The following SEPTIN9 variants were observed in gnomAD, a reference collection of about 807,000 sequenced individuals.
SEPTIN9 encodes septin 9.
A neutral mutation model predicts 56.6 loss-of-function variants in SEPTIN9; 13 were observed. The ratio of observed to expected loss-of-function variants is 0.23; its 90% CI spans 0.15 to 0.37. The LOEUF (loss-of-function observed/expected upper bound fraction) is 0.37, where lower values mean the gene tolerates loss of function less well. SEPTIN9 is among the 10% of genes least tolerant of loss of function. The probability of loss-of-function intolerance (pLI) is 1.00; values close to 1 mark genes in which losing one functional copy is unlikely to be tolerated. For synonymous variants in SEPTIN9, 332 were observed against 334.1 expected, an observed-to-expected ratio of 0.99 and a Z score of 0.07; for missense variants, 650 against 823.1, an observed-to-expected ratio of 0.79 and a Z score of 2.57.
chr17:77,398,064 C>G (rs551813772), intron 2 of SEPTIN9, among the ~76,000 whole-genome samples: 14 of 151,182 alleles, frequency 9.3e-5, no homozygotes, highest in Non-Finnish European at 2.1e-4. Flanking sequence ...GCCTTGATCT[C>G]CTGGCCTCAA....
At position 77,425,333 on chromosome 17, in the gene SEPTIN9, TG is replaced by T. The variant is rs2036863872; in HGVS notation, c.721+22634del. Among the ~76,000 whole-genome samples the T allele has an allele frequency of 6.6e-6, 1 of 152,172 alleles. No individual in the cohort carries two copies. On this transcript the variant is annotated intron_variant, in intron 3 of 11. Coordinates refer to ENST00000427177, the MANE Select transcript of SEPTIN9 (RefSeq NM_001113491.2). The surrounding 1 kb of genome is among the most constrained non-coding windows in gnomAD (Gnocchi z 4.2). ...GCTGGACTCCCCAGATCTGTGGCTG[TG>T]GGGCCCTCTCCTGCCTGCAGCTGAG...
At chr17:77,399,967 T>C (rs896552296) in intron 2 of SEPTIN9, among the ~76,000 whole-genome samples, 1 of 151,830 alleles carries the variant, frequency 6.6e-6, no homozygotes, top group Non-Finnish European at 1.5e-5. Flanking sequence ...GGCCCTGCGG[T>C]GTTTTATTTT....
At chr17:77,420,846 G>A (rs552633558) in intron 3 of SEPTIN9, among the ~76,000 whole-genome samples, 40 of 152,286 alleles carry the variant, frequency 2.6e-4, no homozygotes, top group African/African-American at 9.1e-4. Flanking sequence ...TCACAACAAC[G>A]GTCCTAACCA....
At chr17:77,379,099 G>A (rs2035047357) in intron 2 of SEPTIN9, among the ~76,000 whole-genome samples, 1 of 152,136 alleles carries the variant, frequency 6.6e-6, no homozygotes, top group African/African-American at 2.4e-5. Context: ...CAAGTGTGGT[G>A]CAGAGCTGGG....
intron 2 of SEPTIN9, among the ~76,000 whole-genome samples, chr17:77,348,522 A>G (rs1475410221): frequency 6.6e-6 from 1 of 151,528 alleles, no homozygotes; most frequent in African/African-American, 2.4e-5. Context: ...CTGGCCTCGA[A>G]CTCCTGACCT....
rs1227046372 is a variant in SEPTIN9 at position 77,482,131 on chromosome 17, G to C, written c.722-13G>C. On this transcript the variant is annotated splice_polypyrimidine_tract_variant and intron_variant, in intron 3 of 11. Coordinates refer to ENST00000427177, the MANE Select transcript of SEPTIN9 (RefSeq NM_001113491.2). ...CCTGTTCCGCTCTAACTCCTCTGCT[G>C]TTCCTTCCCCAGCCACTGAGGCGGC... is the stretch of plus-strand genomic sequence containing the variant. The C allele has an allele frequency of 3.2e-6, 5 of 1,553,176 alleles. No homozygotes were observed. The highest frequency in any genetic ancestry group is 2.7e-5 in the African/African-American group (2 of 73,272).
At chr17:77,497,538 C>A in intron 11 of SEPTIN9, 172 bp downstream of exon 11, 1 of 664,358 alleles carries the variant, frequency 1.5e-6, no homozygotes, top group East Asian at 2.7e-5. Context: ...AAAAAGAAAA[C>A]CCACTGGGAA....
rs975404423 is a variant in SEPTIN9 at position 77,493,291 on chromosome 17, C to A, written c.1573+215C>A. 1.8e-5 allele frequency: 10 copies of A among 568,638 alleles called. No homozygotes were observed. The African/African-American group carries it at 1.9e-4, about 11-fold the overall frequency. The allele number at this position is 568,638 out of a possible 1,614,324, so 35.2% of individuals were successfully genotyped here. A position where few individuals can be genotyped will look rare whatever the true frequency, so the allele number is the denominator to read the frequency against. ...GATGCCTCCACCCCAGACCTCCCCC[C>A]GGGCAGGGAAAGATTCAGGGAGACA... On this transcript the variant is annotated intron_variant, in intron 10 of 11. Coordinates refer to ENST00000427177, the MANE Select transcript of SEPTIN9 (RefSeq NM_001113491.2).
At chr17:77,357,922 A>C (rs1416958723) in intron 2 of SEPTIN9, among the ~76,000 whole-genome samples, 3 of 152,174 alleles carry the variant, frequency 2.0e-5, no homozygotes, top group Non-Finnish European at 4.4e-5. Flanking sequence ...CCCTCAGCAA[A>C]TCATTTTGCC....
At chr17:77,382,272 G>C (rs900214426) in intron 2 of SEPTIN9, among the ~76,000 whole-genome samples, 1 of 152,176 alleles carries the variant, frequency 6.6e-6, no homozygotes, top group Non-Finnish European at 1.5e-5. Context: ...CAGGTGATCC[G>C]CCCACCTTGG....
chr17:77,387,497 A>G (rs1242773756), intron 2 of SEPTIN9, among the ~76,000 whole-genome samples: 3 of 152,104 alleles, frequency 2.0e-5, no homozygotes, highest in African/African-American at 2.4e-5. Context: ...TATTCAGTCC[A>G]CTGCGGCAGC....
chr17:77,360,627 C>T (rs1043363274), intron 2 of SEPTIN9, among the ~76,000 whole-genome samples: 1 of 150,850 alleles, frequency 6.6e-6, no homozygotes, highest in Non-Finnish European at 1.5e-5. Flanking sequence ...TGGAGTGATG[C>T]GATCTCCGCT....
chr17:77,372,828 G>C (rs2143910274), intron 2 of SEPTIN9, among the ~76,000 whole-genome samples: 1 of 152,344 alleles, frequency 6.6e-6, no homozygotes, highest in East Asian at 1.9e-4. Context: ...TGCGCCCCTC[G>C]GCTCTTGAGC....
rs563852254 is a variant in SEPTIN9, at chr17:77,402,007, G to A, written c.77-52G>A. On this transcript the variant is annotated intron_variant, in intron 2 of 11. Transcript: ENST00000427177. The surrounding 1 kb of genome is among the most constrained non-coding windows in gnomAD (Gnocchi z 6.6). ...GCTCCTTAGCAGGAAACATGCCGGA[G>A]TGTTCCCTAGCCATCCATTCACCAA... 87 of 1,569,318 alleles carry A rather than the reference G, an allele frequency of 5.5e-5. 1 individual carries two copies. The highest frequency in any genetic ancestry group is 3.1e-4 in the Admixed American group (18 of 57,512).
rs1335208132 is a variant in SEPTIN9 at position 77,476,422 on chromosome 17, G to A, written c.722-5722G>A. On this transcript the variant is annotated intron_variant, in intron 3 of 11. Transcript: ENST00000427177. The surrounding 1 kb of genome is among the most constrained non-coding windows in gnomAD (Gnocchi z 6.0). ...ACAGCAATCTGATTCCCTCATCCTC[G>A]GCAGGTCCTGGGGTTGGGGTAAGAA... Among the ~76,000 whole-genome samples the A allele has an allele frequency of 2.6e-5, 4 of 152,168 alleles. No homozygotes were observed. Among genetic ancestry groups the A allele is most frequent in the African/African-American group, 9.7e-5 (4 of 41,428 alleles).
chr17:77,357,012 C>A (rs888354702), intron 2 of SEPTIN9, among the ~76,000 whole-genome samples: 7 of 151,790 alleles, frequency 4.6e-5, no homozygotes, highest in African/African-American at 1.7e-4. Flanking sequence ...GGCCAGACGT[C>A]CAGAAGCATC....
At chr17:77,460,946 T>A (rs1258896683) in intron 3 of SEPTIN9, among the ~76,000 whole-genome samples, 1 of 152,214 alleles carries the variant, frequency 6.6e-6, no homozygotes, top group Admixed American at 6.5e-5. Flanking sequence ...ACTTCCTTCT[T>A]TATTTAAAAG....
At chr17:77,387,878 T>G (rs2035391472) in intron 2 of SEPTIN9, among the ~76,000 whole-genome samples, 1 of 149,216 alleles carries the variant, frequency 6.7e-6, no homozygotes, top group African/African-American at 2.5e-5. Context: ...AGCCTGACCC[T>G]CCACCCCCAC....
chr17:77,474,471 C>T (rs1467683358), intron 3 of SEPTIN9, among the ~76,000 whole-genome samples: 3 of 152,228 alleles, frequency 2.0e-5, no homozygotes, highest in African/African-American at 7.2e-5. Context: ...GCCCTGGCAA[C>T]TTTCCCTGGC....
Sources: gnomAD v4.1 joint callset for allele counts (sites outside exome capture counted in the v4.1 genomes callset) on GRCh38, gnomAD v4.1.1 for gene constraint, Gnocchi (gnomAD v3.1) non-coding constraint, MANE v1.5 for transcripts, NCBI Gene and HGNC (gene_info 2026-07-23, HGNC 2026-07-21) for gene names.